GABRA3: variants seen among roughly 807,000 people sequenced by gnomAD.
GABRA3 encodes gamma-aminobutyric acid type A receptor subunit alpha3, also known as gamma-aminobutyric acid receptor subunit alpha-3.
GABRA3 carries 10 observed loss-of-function variants against 30.1 expected under a neutral mutation model. The ratio of observed to expected loss-of-function variants is 0.33; its 90% CI spans 0.20 to 0.56. The LOEUF (loss-of-function observed/expected upper bound fraction) is 0.56. Ranked by LOEUF, GABRA3 falls within the 20% of genes least tolerant of loss-of-function variation. The pLI, the probability that GABRA3 is intolerant of heterozygous loss-of-function variation, is 0.89. For missense variants in GABRA3, 233 were observed against 392.0 expected (o/e 0.59, Z 3.42); for synonymous variants, 151 against 146.8 (o/e 1.03, Z -0.21).
chrX:152,417,856 C>T (rs1465213890), intron 1 of GABRA3, among the ~76,000 whole-genome samples: 1 of 84,166 alleles, frequency 1.2e-5, no homozygotes, highest in Non-Finnish European at 2.2e-5. Flanking sequence ...AGGGGAATAT[C>T]ACACTCCAGG....
intron 9 of GABRA3, among the ~76,000 whole-genome samples, chrX:152,186,452 T>C (rs1001055654): frequency 9.0e-6 from 1 of 111,237 alleles, no homozygotes; most frequent in African/African-American, 3.3e-5. Flanking sequence ...TCTGCCTGCT[T>C]TGGCCTCCCA....
intron 7 of GABRA3, among the ~76,000 whole-genome samples, chrX:152,207,100 A>C (rs1937556746): frequency 1.8e-5 from 2 of 110,863 alleles, no homozygotes; most frequent in African/African-American, 6.6e-5. Flanking sequence ...TTTTTTAGGC[A>C]CCCTCCCCTG....
chrX:152,206,927 C>G (rs1336727560), intron 7 of GABRA3, among the ~76,000 whole-genome samples: 2 of 111,470 alleles, frequency 1.8e-5, no homozygotes, highest in Non-Finnish European at 1.9e-5. Flanking sequence ...ATCTCTTCTG[C>G]ATCTTACTCT....
At chrX:152,440,622 G>A (rs940057292) in intron 1 of GABRA3, among the ~76,000 whole-genome samples, 7 of 112,265 alleles carry the variant, frequency 6.2e-5, no homozygotes, top group East Asian at 2.8e-4. Context: ...CCAAATGTCC[G>A]TCAGTGATAG....
chrX:152,448,060 G>A (rs768030452), intron 1 of GABRA3, among the ~76,000 whole-genome samples: 1 of 112,073 alleles, frequency 8.9e-6, no homozygotes, highest in South Asian at 3.7e-4. Flanking sequence ...GTAATTCATG[G>A]TTAATTTATT....
At chrX:152,336,854 A>G (rs1164564581) in intron 3 of GABRA3, among the ~76,000 whole-genome samples, 4 of 111,298 alleles carry the variant, frequency 3.6e-5, no homozygotes, top group African/African-American at 3.3e-5. Flanking sequence ...CCCCAATTCT[A>G]TTTTAAACAG....
chrX:152,391,812 G>A (rs754035837), intron 1 of GABRA3, among the ~76,000 whole-genome samples: 1 of 111,692 alleles, frequency 9.0e-6, no homozygotes, highest in South Asian at 3.8e-4. Flanking sequence ...AATTTAGCAT[G>A]TGACTAAGGT....
chrX:152,267,514 T>C (rs1938848515), intron 4 of GABRA3, among the ~76,000 whole-genome samples: 1 of 111,730 alleles, frequency 9.0e-6, no homozygotes, highest in South Asian at 3.7e-4. Context: ...TGGGGTAACA[T>C]TGGCCTTGTG....
chrX:152,237,829 T>C (rs1334679291), intron 5 of GABRA3, among the ~76,000 whole-genome samples: 4 of 108,840 alleles, frequency 3.7e-5, no homozygotes, highest in Non-Finnish European at 1.9e-5. Flanking sequence ...TTGTGATTTT[T>C]GTACATTGAT....
intron 1 of GABRA3, among the ~76,000 whole-genome samples, chrX:152,419,660 A>T (rs1351561842): frequency 1.8e-5 from 2 of 111,811 alleles, no homozygotes; most frequent in Non-Finnish European, 3.8e-5. Flanking sequence ...AGATGGCATT[A>T]CCAGTGAATT....
chrX:152,369,792 T>A, intron 1 of GABRA3, among the ~76,000 whole-genome samples: 1 of 109,990 alleles, frequency 9.1e-6, no homozygotes, highest in African/African-American at 3.4e-5. Flanking sequence ...GGATGAGGAT[T>A]TTGGTTTTTT....
intron 3 of GABRA3, among the ~76,000 whole-genome samples, chrX:152,297,883 T>C (rs1052279281): frequency 1.8e-5 from 2 of 112,160 alleles, no homozygotes; most frequent in Non-Finnish European, 3.8e-5. Context: ...CAAGAGCTAG[T>C]AGGACTTCCT....
At chrX:152,358,972 A>G (rs774326414) in intron 2 of GABRA3, among the ~76,000 whole-genome samples, 112 of 111,355 alleles carry the variant, frequency 1.0e-3, no homozygotes, top group Non-Finnish European at 1.7e-3. Flanking sequence ...GCTACATTTT[A>G]TTGAGGATTT....
chrX:152,391,532 T>G (rs1014313822), intron 1 of GABRA3, among the ~76,000 whole-genome samples: 3 of 111,277 alleles, frequency 2.7e-5, no homozygotes, highest in African/African-American at 9.8e-5. Context: ...AATGATCACA[T>G]GGAAGAAAAA....
chrX:152,301,603 G>A (rs899831158), intron 3 of GABRA3, among the ~76,000 whole-genome samples: 10 of 110,557 alleles, frequency 9.0e-5, no homozygotes, highest in Non-Finnish European at 1.1e-4. Flanking sequence ...GTGCGATCTC[G>A]GCTCACTGCA....
chrX:152,191,836 T>C (rs964318905), intron 8 of GABRA3, among the ~76,000 whole-genome samples: 6 of 111,587 alleles, frequency 5.4e-5, no homozygotes, highest in Non-Finnish European at 1.1e-4. Context: ...CAAGGCTGAT[T>C]AGCCGAAACA....
chrX:152,388,994 C>T (rs376600110), intron 1 of GABRA3, among the ~76,000 whole-genome samples: 29 of 112,208 alleles, frequency 2.6e-4, no homozygotes, highest in African/African-American at 9.4e-4. Flanking sequence ...TATAATACTT[C>T]ATTCTTAGTA....
intron 1 of GABRA3, among the ~76,000 whole-genome samples, chrX:152,426,424 T>C (rs1180688645): frequency 8.9e-6 from 1 of 112,079 alleles, no homozygotes; most frequent in Non-Finnish European, 1.9e-5. Flanking sequence ...CTTACAATCA[T>C]ACTGCTTAGT....
chrX:152,236,824 C>A (rs369656867), intron 5 of GABRA3, among the ~76,000 whole-genome samples: 1 of 93,541 alleles, frequency 1.1e-5, no homozygotes, highest in East Asian at 3.2e-4. Flanking sequence ...TGTCTTTCGC[C>A]CACTTTTTGA....
Sources: gnomAD v4.1 joint callset for allele counts (sites outside exome capture counted in the v4.1 genomes callset) on GRCh38, gnomAD v4.1.1 for gene constraint, MANE v1.5 for transcripts, NCBI Gene and HGNC (gene_info 2026-07-23, HGNC 2026-07-21) for gene names.